RNF13: variants seen among roughly 807,000 people sequenced by gnomAD.
RNF13 encodes the protein E3 ubiquitin-protein ligase RNF13.
Under a neutral mutation model 37.7 loss-of-function variants are expected in RNF13, and 19 were observed. The ratio of observed to expected loss-of-function variants is 0.50; its 90% CI spans 0.35 to 0.74. The LOEUF (loss-of-function observed/expected upper bound fraction) is 0.74, where lower values mean the gene tolerates loss of function less well. Among genes scored for constraint, RNF13 ranks in the 30% least tolerant of loss-of-function variants. The pLI is 0.01. For missense variants in RNF13, 375 were observed against 453.0 expected (o/e 0.83, Z 1.56); for synonymous variants, 144 against 157.8 (o/e 0.91, Z 0.65).
At chr3:149,843,561 C>T (rs989640084) in intron 1 of RNF13, among the ~76,000 whole-genome samples, 1 of 152,124 alleles carries the variant, frequency 6.6e-6, no homozygotes, top group African/African-American at 2.4e-5. Context: ...ATTGAATACA[C>T]ACAATATACA....
chr3:149,941,708 T>A (rs971892571), intron 8 of RNF13, among the ~76,000 whole-genome samples: 1 of 151,698 alleles, frequency 6.6e-6, no homozygotes, highest in Non-Finnish European at 1.5e-5. Context: ...CATTTGTCTA[T>A]TTTTTTCTTT....
At chr3:149,866,330 A>G (rs1287475953) in intron 3 of RNF13, among the ~76,000 whole-genome samples, 1 of 152,164 alleles carries the variant, frequency 6.6e-6, no homozygotes, top group Non-Finnish European at 1.5e-5. Context: ...AACAAGGGGT[A>G]GATTATTTAT....
At chr3:149,819,706 C>A (rs1339939556) in intron 1 of RNF13, among the ~76,000 whole-genome samples, 1 of 152,158 alleles carries the variant, frequency 6.6e-6, no homozygotes, top group Non-Finnish European at 1.5e-5. Context: ...CAGAGACGAG[C>A]CAGTTTATGA....
chr3:149,822,002 A>G lies in RNF13; in HGVS notation c.-17+8649A>G, dbSNP rs149573180. On this transcript the variant is annotated intron_variant, in intron 1 of 9. Coordinates refer to ENST00000392894, the MANE Select transcript of RNF13 (RefSeq NM_183381.3). ...GCTCAATTCTACTCCTTTGGTCTAT[A>G]TATCTATCACTATGCCAGTGCCATG... Among the ~76,000 whole-genome samples the G allele has an allele frequency of 1.5e-3, 223 of 152,258 alleles. 1 individual carries two copies. The highest frequency in any genetic ancestry group is 5.1e-3 in the African/African-American group (213 of 41,562).
intron 8 of RNF13, among the ~76,000 whole-genome samples, chr3:149,930,142 T>C (rs537849282): frequency 2.6e-4 from 40 of 152,364 alleles, no homozygotes; most frequent in African/African-American, 9.4e-4. Context: ...TTGGCTAGGC[T>C]GGTCTTGAAC....
At position 149,933,554 on chromosome 3, in the gene RNF13, A is replaced by G. The variant is rs1159956803; in HGVS notation, c.700+12327A>G. 2.0e-5 allele frequency among the ~76,000 whole-genome samples: 3 copies of G among 149,578 alleles called. No homozygotes were observed. The East Asian group carries it at 5.8e-4, about 29-fold the overall frequency. ...ATCCTGCAACTGTACTGAATTTGCT[A>G]TATTAGTTCTAACAGTTTCTTTTCT... On this transcript the variant is annotated intron_variant, in intron 8 of 9. Coordinates refer to ENST00000392894, the MANE Select transcript of RNF13 (RefSeq NM_183381.3).
At chr3:149,941,530 G>GTTT (rs61171032) in intron 8 of RNF13, among the ~76,000 whole-genome samples, 290 of 144,376 alleles carry the variant, frequency 2.0e-3, no homozygotes, top group African/African-American at 7.2e-3. Context: ...TTTAAATTAG[G>GTTT]TTTTTTTTTT....
intron 8 of RNF13, among the ~76,000 whole-genome samples, chr3:149,921,782 T>A (rs1027792790): frequency 1.3e-5 from 2 of 152,168 alleles, no homozygotes; most frequent in African/African-American, 2.4e-5. Context: ...GTCTTTATAG[T>A]AGCATGATTT....
chr3:149,868,594 C>T (rs1449464552), intron 3 of RNF13, among the ~76,000 whole-genome samples: 1 of 151,176 alleles, frequency 6.6e-6, no homozygotes. Context: ...CCTTTCCTCC[C>T]AACCCTTCTC....
In RNF13 at chr3:149,835,633, T is replaced by TTGTGTGTGTCTGTGTG. The variant is rs1553751496; in HGVS notation, c.-16-10369_-16-10368insCTGTGTGTGTGTGTGT. Among the ~76,000 whole-genome samples the TTGTGTGTGTCTGTGTG allele has an allele frequency of 1.0e-4, 14 of 138,838 alleles. 1 individual carries two copies. The highest frequency in any genetic ancestry group is 1.6e-4 in the Non-Finnish European group (10 of 62,696). 91.1% of individuals were successfully genotyped at this position (138,838 alleles called of 152,430 possible). ...ATTTTTATGGCTGCGTAGTATTCCA[T>TTGTGTGTGTCTGTGTG]TGTGTGTGTGTGTGTGTGTGTGTGT... On this transcript the variant is annotated intron_variant, in intron 1 of 9. Coordinates refer to ENST00000392894, the MANE Select transcript of RNF13 (RefSeq NM_183381.3).
At chr3:149,955,290 T>G (rs2631554) in intron 8 of RNF13, among the ~76,000 whole-genome samples, 1 of 151,806 alleles carries the variant, frequency 6.6e-6, no homozygotes. Context: ...AATTTTTTAC[T>G]TATAAAATTT....
chr3:149,961,191 T>A lies in RNF13; in HGVS notation c.*87T>A. The A allele has an allele frequency of 1.7e-6, 2 of 1,179,380 alleles. No individual in the cohort carries two copies. Among genetic ancestry groups the A allele is most frequent in the Non-Finnish European group, 2.4e-6 (2 of 832,990 alleles). 73.1% of individuals were successfully genotyped at this position (1,179,380 alleles called of 1,614,324 possible). A position where few individuals can be genotyped will look rare whatever the true frequency, so the allele number is the denominator to read the frequency against. On this transcript the variant is annotated 3_prime_UTR_variant, in exon 10 of 10. Coordinates refer to ENST00000392894, the MANE Select transcript of RNF13 (RefSeq NM_183381.3). ...TTTTTGCTCCCTTCAAAGATTTCTG[T>A]AGAAATAACTTATTTTTTAGTATTC...
chr3:149,939,361 C>T lies in RNF13; in HGVS notation c.700+18134C>T, dbSNP rs1467804335. ...ACTTTTTTCTGTGGAACTTTTCTGC[C>T]ACCTCCGGGGGCAGATCGCTTTCCA... On this transcript the variant is annotated intron_variant, in intron 8 of 9. Transcript: ENST00000392894. The T allele has an allele frequency of 8.5e-6, 4 of 468,088 alleles. No individual in the cohort carries two copies. The East Asian group carries it at 2.0e-4, about 24-fold the overall frequency. The allele number at this position is 468,088 out of a possible 1,614,324, so 29.0% of individuals were successfully genotyped here.
intron 1 of RNF13, among the ~76,000 whole-genome samples, chr3:149,827,451 T>C (rs903235389): frequency 2.0e-5 from 3 of 152,124 alleles, no homozygotes; most frequent in Non-Finnish European, 4.4e-5. Flanking sequence ...GTCTTAAATT[T>C]TTTTTTTGAG....
Position 149,813,231 on chromosome 3 carries a change from C to G in RNF13, c.-139C>G, listed in dbSNP as rs759411540. 3 of 152,300 alleles carry G rather than the reference C, an allele frequency of 2.0e-5. No individual in the cohort carries two copies. The highest frequency in any genetic ancestry group is 4.4e-5 in the Non-Finnish European group (3 of 68,248). 9.4% of individuals were successfully genotyped at this position (152,300 alleles called of 1,614,324 possible). A position where few individuals can be genotyped will look rare whatever the true frequency, so the allele number is the denominator to read the frequency against. On this transcript the variant is annotated 5_prime_UTR_variant, in exon 1 of 10. Transcript: ENST00000392894. ...TTCCGCTTCGCCTAGGTGTTGTCGT[C>G]CCTGCTAGTACTCCGGGCTGTGGGG...
intron 1 of RNF13, among the ~76,000 whole-genome samples, chr3:149,815,340 C>G (rs1365502950): frequency 6.6e-6 from 1 of 152,144 alleles, no homozygotes; most frequent in Non-Finnish European, 1.5e-5. Context: ...GTTTGGTCAA[C>G]TATCATGGTA....
chr3:149,863,525 G>A (rs1287270660), intron 3 of RNF13, among the ~76,000 whole-genome samples: 3 of 152,150 alleles, frequency 2.0e-5, no homozygotes, highest in East Asian at 1.9e-4. Flanking sequence ...GATTACAGGC[G>A]TGTACCACCA....
intron 8 of RNF13, among the ~76,000 whole-genome samples, chr3:149,949,581 C>T (rs1721112006): frequency 1.3e-5 from 2 of 151,958 alleles, no homozygotes; most frequent in Admixed American, 6.5e-5. Flanking sequence ...CCATTTCTCT[C>T]AGATTTGGGA....
intron 8 of RNF13, among the ~76,000 whole-genome samples, chr3:149,930,813 G>A (rs1301102579): frequency 6.6e-6 from 1 of 151,910 alleles, no homozygotes; most frequent in South Asian, 2.1e-4. Context: ...CTGAGTAATT[G>A]GTACATTTCA....
Sources: gnomAD v4.1 joint callset for allele counts (sites outside exome capture counted in the v4.1 genomes callset) on GRCh38, gnomAD v4.1.1 for gene constraint, MANE v1.5 for transcripts, NCBI Gene and HGNC (gene_info 2026-07-23, HGNC 2026-07-21) for gene names.